The following TBL1X variants were observed in gnomAD, a reference collection of about 807,000 sequenced individuals.
TBL1X encodes F-box-like/WD repeat-containing protein TBL1X.
In TBL1X, 10 loss-of-function variants were observed where a neutral mutation model predicts 50.7. That is an observed-to-expected ratio of 0.20 (90% CI 0.12 to 0.33). TBL1X has a LOEUF of 0.33. Ranked by LOEUF, TBL1X falls within the 10% of genes least tolerant of loss-of-function variation. The probability of loss-of-function intolerance (pLI) is 1.00; values close to 1 mark genes in which losing one functional copy is unlikely to be tolerated. For missense variants in TBL1X, 340 were observed against 504.4 expected, an observed-to-expected ratio of 0.67 and a Z score of 3.12; for synonymous variants, 190 against 214.7, an observed-to-expected ratio of 0.88 and a Z score of 1.01.
chrX:9,552,885 G>A (rs1208320939), intron 2 of TBL1X, among the ~76,000 whole-genome samples: 1 of 112,121 alleles, frequency 8.9e-6, no homozygotes, highest in African/African-American at 3.2e-5. Flanking sequence ...GCTCATGCCT[G>A]TAATCCCAGC....
intron 2 of TBL1X, among the ~76,000 whole-genome samples, chrX:9,628,210 A>T (rs1431661450): frequency 8.9e-6 from 1 of 112,294 alleles, no homozygotes; most frequent in Admixed American, 9.4e-5. Context: ...TAACTGTGGC[A>T]CTGTTGACAT....
At chrX:9,709,512 C>T in intron 14 of TBL1X, 121 bp from the exon 15 acceptor site, 2 of 1,060,992 alleles carry the variant, frequency 1.9e-6, no homozygotes, top group Middle Eastern at 2.7e-4. Context: ...CAGCCTTTCT[C>T]ACCACTGTGC....
chrX:9,481,384 TA>T (rs1434557063), intron 1 of TBL1X, among the ~76,000 whole-genome samples: 1 of 112,569 alleles, frequency 8.9e-6, no homozygotes, highest in African/African-American at 3.2e-5. Context: ...AACAATTGGA[TA>T]AAGTATGCTC....
At chrX:9,558,448 T>C (rs2681654) in intron 2 of TBL1X, among the ~76,000 whole-genome samples, 51,643 of 107,133 alleles carry the variant, frequency 0.48, 9,903 homozygotes, top group Admixed American at 0.64. Context: ...ACCTGGGAGG[T>C]GCAGGCTGCA....
chrX:9,465,908 T>C (rs1029198045), intron 1 of TBL1X, among the ~76,000 whole-genome samples: 13 of 112,761 alleles, frequency 1.2e-4, no homozygotes, highest in Non-Finnish European at 2.3e-4. Context: ...GCCCCATTCA[T>C]ACCCGGGACG....
At chrX:9,516,975 A>G (rs905164757) in intron 2 of TBL1X, among the ~76,000 whole-genome samples, 1 of 111,936 alleles carries the variant, frequency 8.9e-6, no homozygotes, top group Non-Finnish European at 1.9e-5. Flanking sequence ...TTACCTAAAC[A>G]TCTGTCTTGC....
chrX:9,544,174 A>C (rs2082229599), intron 2 of TBL1X, among the ~76,000 whole-genome samples: 1 of 112,210 alleles, frequency 8.9e-6, no homozygotes, highest in African/African-American at 3.2e-5. Context: ...ACTAATTATT[A>C]TGTGTTTGCT....
At chrX:9,494,561 TCTTCAA>T (rs2081962327) in intron 1 of TBL1X, among the ~76,000 whole-genome samples, 1 of 111,805 alleles carries the variant, frequency 8.9e-6, no homozygotes, top group South Asian at 3.7e-4. Flanking sequence ...CTCATAGACT[TCTTCAA>T]CTTCAAAAAA....
chrX:9,710,292 C>T lies in TBL1X; in HGVS notation c.1439+532C>T, dbSNP rs770873923. Among the ~76,000 whole-genome samples, 142 of 108,567 alleles carry T rather than the reference C, an allele frequency of 1.3e-3. 1 individual carries two copies. Among genetic ancestry groups the T allele is most frequent in the African/African-American group, 4.5e-3 (133 of 29,756 alleles). The allele number at this position is 108,567 out of a possible 115,157, so 94.3% of individuals were successfully genotyped here. A position where few individuals can be genotyped will look rare whatever the true frequency, so the allele number is the denominator to read the frequency against. ...CTGCAGAGCCACAGTTGAGGGACAG[C>T]AAGCCAGGCAGCACCAACTCCTGTT... On this transcript the variant is annotated intron_variant, in intron 15 of 17. Transcript: ENST00000645353.
intron 4 of TBL1X, 89 bp from the exon 5 acceptor site, chrX:9,654,126 G>A: frequency 1.4e-6 from 1 of 731,483 alleles, no homozygotes; most frequent in Non-Finnish European, 2.0e-6. Flanking sequence ...GTGTATAATA[G>A]CATGGATATT....
Position 9,693,132 on chromosome X carries a change from C to G in TBL1X, c.892-17C>G, listed in dbSNP as rs1445795321. 2.5e-6 allele frequency: 3 copies of G among 1,209,380 alleles called. No individual in the cohort carries two copies. The African/African-American group carries it at 5.3e-5, about 21-fold the overall frequency. On this transcript the variant is annotated splice_polypyrimidine_tract_variant and intron_variant, in intron 9 of 17. Transcript: ENST00000645353. ...CTAAGTTGTTTTTGTGGGGTTTTGT[C>G]TCTTTCTGGCCCTCAGACCAATGGA...
At chrX:9,470,141 A>C (rs1747352956) in intron 1 of TBL1X, among the ~76,000 whole-genome samples, 1 of 112,420 alleles carries the variant, frequency 8.9e-6, no homozygotes, top group African/African-American at 3.2e-5. Flanking sequence ...GTATATATTT[A>C]TGGGGTGCAT....
At chrX:9,485,109 C>T (rs1238527136) in intron 1 of TBL1X, among the ~76,000 whole-genome samples, 4 of 109,575 alleles carry the variant, frequency 3.7e-5, no homozygotes, top group African/African-American at 1.3e-4. Context: ...CCCCCCAAAA[C>T]CCCAGAAAAA....
chrX:9,689,431 A>G (rs933035576), intron 7 of TBL1X, among the ~76,000 whole-genome samples: 1 of 112,284 alleles, frequency 8.9e-6, no homozygotes, highest in Non-Finnish European at 1.9e-5. Context: ...TTCTATTGCA[A>G]TAGGGTGACA....
In TBL1X at chrX:9,472,042, C is replaced by G. The variant is rs769157864; in HGVS notation, c.-201+6595C>G. On this transcript the variant is annotated intron_variant, in intron 1 of 17. Transcript: ENST00000645353. ...TCCTTCGGGTCTGTTGAAACTGCAT[C>G]CCCAGCACCATCATGTCGGAGCAAG... Among the ~76,000 whole-genome samples, 4 of 111,363 alleles carry G rather than the reference C, an allele frequency of 3.6e-5. No individual in the cohort carries two copies. In the South Asian group the frequency reaches 1.1e-3, roughly 32 times the overall value.
chrX:9,693,773 G>A (rs1380359423), intron 11 of TBL1X, among the ~76,000 whole-genome samples: 1 of 111,576 alleles, frequency 9.0e-6, no homozygotes, highest in Non-Finnish European at 1.9e-5. Flanking sequence ...TGAGGGGTGA[G>A]TGGCACAGGC....
chrX:9,552,441 C>T (rs780604183), intron 2 of TBL1X, among the ~76,000 whole-genome samples: 6 of 111,564 alleles, frequency 5.4e-5, no homozygotes, highest in African/African-American at 1.3e-4. Flanking sequence ...CTTGCACTGA[C>T]GCTTGATTCT....
At chrX:9,645,515 C>T (rs958220224) in intron 3 of TBL1X, 12 of 111,783 alleles carry the variant, frequency 1.1e-4, no homozygotes, top group African/African-American at 3.9e-4. Context: ...TTTTCCTGGC[C>T]GCATCTTATG....
chrX:9,569,219 G>A (rs2082371041), intron 2 of TBL1X, among the ~76,000 whole-genome samples: 1 of 104,451 alleles, frequency 9.6e-6, no homozygotes, highest in African/African-American at 3.6e-5. Flanking sequence ...GTGATGTGCT[G>A]TCTTTGTGGT....
Sources: allele counts gnomAD v4.1 joint callset (sites outside exome capture counted in the v4.1 genomes callset), GRCh38; gene constraint gnomAD v4.1.1; transcripts MANE v1.5; gene names NCBI Gene and HGNC (gene_info 2026-07-23, HGNC 2026-07-21).